HDAC9: variants seen among roughly 807,000 people sequenced by gnomAD.
HDAC9 encodes histone deacetylase 9, also known as MEF-2 interacting transcription repressor (MITR) protein.
In HDAC9, 41 loss-of-function variants were observed where a neutral mutation model predicts 139.4. The ratio of observed to expected loss-of-function variants is 0.29; its 90% CI spans 0.23 to 0.38. The LOEUF (loss-of-function observed/expected upper bound fraction) is 0.38, where lower values mean the gene tolerates loss of function less well. HDAC9 is among the 10% of genes least tolerant of loss of function. The probability of loss-of-function intolerance (pLI) is 1.00; values close to 1 mark genes in which losing one functional copy is unlikely to be tolerated. For synonymous variants in HDAC9, 517 were observed against 476.2 expected, an observed-to-expected ratio of 1.09 and a Z score of -1.12; for missense variants, 1,147 against 1,297.0, an observed-to-expected ratio of 0.88 and a Z score of 1.78.
At chr7:18,120,139 C>T (rs1007806579) in intron 1 of HDAC9, among the ~76,000 whole-genome samples, 1 of 152,086 alleles carries the variant, frequency 6.6e-6, no homozygotes, top group Non-Finnish European at 1.5e-5. Context: ...GAAGATTTTG[C>T]TCCCTTGGGA....
intron 22 of HDAC9, among the ~76,000 whole-genome samples, chr7:18,918,893 C>T (rs536621108): frequency 2.8e-4 from 42 of 152,076 alleles, no homozygotes; most frequent in Middle Eastern, 3.4e-3. Context: ...TTGAGAATCA[C>T]GGCCTCTCAT....
intron 23 of HDAC9, among the ~76,000 whole-genome samples, chr7:18,945,633 C>T (rs1782324873): frequency 1.3e-5 from 2 of 152,084 alleles, no homozygotes. Context: ...TTGACTTCAA[C>T]ATTTAGATGC....
intron 1 of HDAC9, among the ~76,000 whole-genome samples, chr7:18,429,648 G>A (rs919646788): frequency 1.3e-5 from 2 of 152,096 alleles, no homozygotes; most frequent in South Asian, 2.1e-4. Flanking sequence ...TATAGATTAC[G>A]TGTTTTTGGT....
chr7:18,917,666 T>G (rs78746241), intron 22 of HDAC9, among the ~76,000 whole-genome samples: 7,356 of 152,132 alleles, frequency 0.048, 254 homozygotes, highest in South Asian at 0.13. Flanking sequence ...CTGTGTCCTT[T>G]CATTGGACAA....
At chr7:18,305,376 G>C (rs1229702357) in intron 1 of HDAC9, among the ~76,000 whole-genome samples, 1 of 152,134 alleles carries the variant, frequency 6.6e-6, no homozygotes, top group Non-Finnish European at 1.5e-5. Flanking sequence ...TATTAGGTTT[G>C]AGTAAAAGAA....
intron 1 of HDAC9, among the ~76,000 whole-genome samples, chr7:18,379,174 C>G (rs1196180143): frequency 6.6e-6 from 1 of 152,116 alleles, no homozygotes; most frequent in African/African-American, 2.4e-5. Context: ...AGAAAATGCA[C>G]TTAAGAGAAT....
chr7:18,115,438 T>C (rs1783915221), intron 1 of HDAC9, among the ~76,000 whole-genome samples: 1 of 152,254 alleles, frequency 6.6e-6, no homozygotes, highest in Non-Finnish European at 1.5e-5. Context: ...GTTGCACAAG[T>C]GCATGAAAAG....
chr7:18,483,080 C>T (rs1795705614), intron 1 of HDAC9, among the ~76,000 whole-genome samples: 2 of 152,042 alleles, frequency 1.3e-5, no homozygotes, highest in African/African-American at 4.8e-5. Context: ...GCATTATATA[C>T]AGTAAATTAC....
rs920141039 is a variant in HDAC9, at chr7:18,859,853, T to G, written c.2685-14625T>G. Among the ~76,000 whole-genome samples, 4 of 129,170 alleles carry G rather than the reference T, an allele frequency of 3.1e-5. No homozygotes were observed. In the East Asian group the frequency reaches 1.1e-3, roughly 35 times the overall value. 84.7% of individuals were successfully genotyped at this position (129,170 alleles called of 152,430 possible). ...ATATATATATATATATATATATATA[T>G]ATATATGTGAGAGAATGAGAGAGAG... On this transcript the variant is annotated intron_variant, in intron 21 of 25. Transcript: ENST00000686413.
chr7:18,695,666 A>C (rs1782990023), intron 12 of HDAC9, among the ~76,000 whole-genome samples: 1 of 152,176 alleles, frequency 6.6e-6, no homozygotes, highest in African/African-American at 2.4e-5. Flanking sequence ...TGGTATTCTA[A>C]ATTGAGAATG....
At chr7:18,704,718 G>C (rs1783751242) in intron 12 of HDAC9, among the ~76,000 whole-genome samples, 1 of 152,130 alleles carries the variant, frequency 6.6e-6, no homozygotes, top group Non-Finnish European at 1.5e-5. Context: ...TTAAACATCT[G>C]AGGAGCAGGA....
chr7:18,149,700 A>G (rs567234335), intron 1 of HDAC9, among the ~76,000 whole-genome samples: 15 of 151,206 alleles, frequency 9.9e-5, no homozygotes, highest in East Asian at 2.0e-4. Context: ...ATAGGTGCCC[A>G]CCACCACGCC....
At chr7:18,576,388 G>A (rs1320455418) in intron 2 of HDAC9, among the ~76,000 whole-genome samples, 2 of 152,072 alleles carry the variant, frequency 1.3e-5, no homozygotes, top group Non-Finnish European at 2.9e-5. Context: ...GGGGCCAGTC[G>A]GGCTGACTCA....
chr7:18,966,487 G>C (rs1444134233), intron 24 of HDAC9, among the ~76,000 whole-genome samples: 2 of 152,144 alleles, frequency 1.3e-5, no homozygotes, highest in Non-Finnish European at 2.9e-5. Flanking sequence ...CAGATCATGA[G>C]GTCAGGAGTT....
chr7:18,807,793 G>T (rs769023177), intron 17 of HDAC9, among the ~76,000 whole-genome samples: 1 of 152,094 alleles, frequency 6.6e-6, no homozygotes, highest in Non-Finnish European at 1.5e-5. Context: ...AAGATACTTG[G>T]TGTGATTTCA....
intron 1 of HDAC9, among the ~76,000 whole-genome samples, chr7:18,453,079 T>G (rs1271286189): frequency 6.6e-6 from 1 of 152,218 alleles, no homozygotes; most frequent in Non-Finnish European, 1.5e-5. Flanking sequence ...AAGTATTCAT[T>G]GAATGAATTT....
intron 1 of HDAC9, among the ~76,000 whole-genome samples, chr7:18,300,570 TTTATCACAATAAAA>T (rs1798472702): frequency 6.6e-6 from 1 of 152,192 alleles, no homozygotes; most frequent in Admixed American, 6.5e-5. Context: ...AGACATTATT[TTTATCACAATAAAA>T]TTAAGACATA....
In HDAC9 at chr7:19,000,668, T is replaced by G. The variant is rs769898604; in HGVS notation, c.*4606T>G. The stretch of plus-strand genomic sequence containing the variant: ...GGGCTGTTTGGACTTGATCCAATGA[T>G]AAGGTAATAAGGTTGTTGCAATTTC... On this transcript the variant is annotated 3_prime_UTR_variant, in exon 26 of 26. Coordinates refer to ENST00000686413, the MANE Select transcript of HDAC9 (RefSeq NM_178425.4). 2 of 152,224 alleles carry G rather than the reference T, an allele frequency of 1.3e-5. No homozygotes were observed. The highest frequency in any genetic ancestry group is 2.9e-5 in the Non-Finnish European group (2 of 68,024). The allele number at this position is 152,224 out of a possible 1,614,324, so 9.4% of individuals were successfully genotyped here. A position where few individuals can be genotyped will look rare whatever the true frequency, so the allele number is the denominator to read the frequency against.
At chr7:18,436,251 G>T (rs910186133) in intron 1 of HDAC9, among the ~76,000 whole-genome samples, 18 of 152,096 alleles carry the variant, frequency 1.2e-4, no homozygotes, top group Admixed American at 3.3e-4. Context: ...GTTTGATTAA[G>T]ATGATATTTT....
Sources: gnomAD v4.1 joint callset for allele counts (sites outside exome capture counted in the v4.1 genomes callset) on GRCh38, gnomAD v4.1.1 for gene constraint, MANE v1.5 for transcripts, NCBI Gene and HGNC (gene_info 2026-07-23, HGNC 2026-07-21) for gene names.